PIK3C2A: variants seen among roughly 807,000 people sequenced by gnomAD.
PIK3C2A encodes the protein phosphatidylinositol-4-phosphate 3-kinase catalytic subunit type 2 alpha.
In PIK3C2A, 97 loss-of-function variants were observed where a neutral mutation model predicts 204.5. The observed-to-expected ratio is 0.47, with a 90% CI of 0.40 to 0.56. PIK3C2A has a LOEUF of 0.56. Ranked by LOEUF, PIK3C2A falls within the 20% of genes least tolerant of loss-of-function variation. The pLI, the probability that PIK3C2A is intolerant of heterozygous loss-of-function variation, is 0.00. For synonymous variants in PIK3C2A, 653 were observed against 664.4 expected, an observed-to-expected ratio of 0.98 and a Z score of 0.26; for missense variants, 1,735 against 1,969.2, an observed-to-expected ratio of 0.88 and a Z score of 2.25.
chr11:17,158,677 G>A (rs980286982), intron 2 of PIK3C2A, among the ~76,000 whole-genome samples: 2 of 151,958 alleles, frequency 1.3e-5, no homozygotes, highest in Non-Finnish European at 2.9e-5. Context: ...AGCAGTGCTG[G>A]GAAAACCTAA....
chr11:17,129,963 A>G (rs1057086531), intron 12 of PIK3C2A, among the ~76,000 whole-genome samples: 1 of 152,216 alleles, frequency 6.6e-6, no homozygotes, highest in Non-Finnish European at 1.5e-5. Context: ...ATTTTAAATA[A>G]ATTTTATTAA....
At chr11:17,162,759 G>A (rs1424982721) in intron 2 of PIK3C2A, among the ~76,000 whole-genome samples, 1 of 152,136 alleles carries the variant, frequency 6.6e-6, no homozygotes, top group African/African-American at 2.4e-5. Flanking sequence ...TGCTTCAGGG[G>A]CTGCCTGATT....
intron 8 of PIK3C2A, among the ~76,000 whole-genome samples, chr11:17,137,023 G>A (rs1849894137): frequency 6.6e-6 from 1 of 152,090 alleles, no homozygotes; most frequent in Admixed American, 6.5e-5. Flanking sequence ...TTCTTCAGAG[G>A]TCGGTCACAT....
At chr11:17,201,515 G>T in intron 1 of PIK3C2A, among the ~76,000 whole-genome samples, 1 of 103,500 alleles carries the variant, frequency 9.7e-6, no homozygotes, top group South Asian at 3.2e-4. Flanking sequence ...GAAAGAACGT[G>T]ACTCCGTCTC....
intron 13 of PIK3C2A, among the ~76,000 whole-genome samples, chr11:17,125,141 T>C (rs1250388948): frequency 6.6e-6 from 1 of 152,200 alleles, no homozygotes; most frequent in Non-Finnish European, 1.5e-5. Flanking sequence ...AACTATTTAA[T>C]GGTTTTAGGA....
chr11:17,092,363 A>C (rs990829381), intron 28 of PIK3C2A, 87 bp from the exon 29 acceptor site: 4 of 729,630 alleles, frequency 5.5e-6, no homozygotes, highest in Middle Eastern at 3.8e-4. Context: ...CTTAAAGACA[A>C]AGTAGTCTTA....
intron 1 of PIK3C2A, among the ~76,000 whole-genome samples, chr11:17,201,312 A>G (rs1367290086): frequency 6.6e-6 from 1 of 151,928 alleles, no homozygotes; most frequent in African/African-American, 2.4e-5. Flanking sequence ...GCAGATCATG[A>G]GGTCAAAAGA....
intron 2 of PIK3C2A, among the ~76,000 whole-genome samples, chr11:17,159,772 A>G (rs758237121): frequency 1.3e-5 from 2 of 152,238 alleles, no homozygotes; most frequent in African/African-American, 4.8e-5. Flanking sequence ...TGAGCTGACA[A>G]GTCTCCAGAT....
rs375806515 is a variant in PIK3C2A, at chr11:17,122,237, C to A, written c.2608G>T (p.Asp870Tyr). Residue 870 changes from aspartate to tyrosine, a missense_variant, in exon 15 of 33, where the codon GAT becomes TAT. Physicochemically the swap from Asp to Tyr is radical, Grantham distance 160 (BLOSUM62 -3). Coordinates refer to ENST00000691414, the MANE Select transcript of PIK3C2A (RefSeq NM_002645.4). ...ATATCAAGAAGTTTCCCTTTTATAT[C>A]ATTCTCTAGTGTTTCTAAGTTATGT... ...QQHNLETLEN[D>Y]IKGKLLDILH... is the part of the protein sequence containing the mutation. 1.2e-5 allele frequency: 18 copies of A among 1,551,408 alleles called. No homozygotes were observed. The highest frequency in any genetic ancestry group is 1.6e-5 in the Non-Finnish European group (18 of 1,125,202).
intron 8 of PIK3C2A, among the ~76,000 whole-genome samples, chr11:17,139,244 T>C (rs1482513367): frequency 4.6e-5 from 7 of 151,008 alleles, no homozygotes; most frequent in Non-Finnish European, 1.0e-4. Context: ...TTTTTTTTTT[T>C]TGAGGTGGAA....
chr11:17,091,192 T>C (rs920700257), intron 32 of PIK3C2A, 142 bp downstream of exon 32: 7 of 675,840 alleles, frequency 1.0e-5, no homozygotes, highest in African/African-American at 7.3e-5. Context: ...ACCTAGGTGA[T>C]AGGTTGATAG....
chr11:17,117,719 T>TG (rs779369690), intron 18 of PIK3C2A, 48 bp from the exon 19 acceptor site: 21 of 1,190,096 alleles, frequency 1.8e-5, no homozygotes, highest in African/African-American at 6.4e-5. Flanking sequence ...TTTTTTTTTT[T>TG]TTTTTTTTTT....
At chr11:17,158,017 CCTTCCTCTTAAA>C (rs1459455453) in intron 2 of PIK3C2A, among the ~76,000 whole-genome samples, 4 of 152,128 alleles carry the variant, frequency 2.6e-5, no homozygotes, top group Non-Finnish European at 4.4e-5. Flanking sequence ...TTTCCCTTCA[CCTTCCTCTTAAA>C]CTTCCTTCAC....
chr11:17,168,826 C>T lies in PIK3C2A; in HGVS notation c.916G>A (p.Ala306Thr). The T allele has an allele frequency of 6.2e-7, 1 of 1,614,130 alleles. No individual in the cohort carries two copies. The highest frequency in any genetic ancestry group is 8.5e-7 in the Non-Finnish European group (1 of 1,180,012). Reference protein sequence around the residue: ...SSLLAKDPWDAVLLEERSTAN... With the variant: ...SSLLAKDPWDTVLLEERSTAN... The stretch of plus-strand genomic sequence containing the variant: ...GTCGATCTCTCTTCAAGAAGAACAG[C>T]ATCCCAAGGATCCTTTGCTAGCAAA... The change falls in exon 2 of 33, where the codon GCT becomes ACT. Residue 306 changes from alanine (A) to threonine (T), a missense_variant. By Grantham distance (58) the Ala-to-Thr change is moderately conservative (BLOSUM62 0). This residue lies in a region of PIK3C2A where 536 missense variants were observed against 546.7 expected (regional missense o/e 0.98). Transcript: ENST00000691414.
chr11:17,102,748 A>T lies in PIK3C2A; in HGVS notation c.3765T>A (p.Asn1255Lys), dbSNP rs1848681473. 1 of 1,613,552 alleles carries T rather than the reference A, an allele frequency of 6.2e-7. No homozygotes were observed. The highest frequency in any genetic ancestry group is 1.3e-5 in the African/African-American group (1 of 74,906). ...VLGICDRHND[N>K]IMLRSTGHMF... Reference sequence around the variant, plus strand: ...TGTGTCCCGTGCTTCGAAGCATTATATTGTCATTGTGTCGATCACAGATGC... The same window carrying T: ...TGTGTCCCGTGCTTCGAAGCATTATTTTGTCATTGTGTCGATCACAGATGC... Residue 1255 changes from asparagine (N) to lysine (K), a missense_variant, in exon 24 of 33, where the codon AAT becomes AAA. This residue lies in a region of PIK3C2A where 503 missense variants were observed against 669.0 expected (regional missense o/e 0.75). Transcript: ENST00000691414.
At chr11:17,126,824 T>TA in intron 13 of PIK3C2A, among the ~76,000 whole-genome samples, 1 of 152,328 alleles carries the variant, frequency 6.6e-6, no homozygotes, top group East Asian at 1.9e-4. Context: ...CTTCACTTGA[T>TA]AGTCTCTTGA....
chr11:17,159,333 T>C (rs1850704250), intron 2 of PIK3C2A, among the ~76,000 whole-genome samples: 1 of 152,328 alleles, frequency 6.6e-6, no homozygotes, highest in Non-Finnish European at 1.5e-5. Flanking sequence ...GAAAGAGATA[T>C]ATGATAATCA....
chr11:17,122,128 C>A, intron 15 of PIK3C2A, 60 bp downstream of exon 15: 1 of 1,042,370 alleles, frequency 9.6e-7, no homozygotes, highest in Non-Finnish European at 1.4e-6. Flanking sequence ...AATGTAAGTC[C>A]TAACTTGACT....
chr11:17,101,497 C>A lies in PIK3C2A; in HGVS notation c.3852-63G>T, dbSNP rs1041441332. On this transcript the variant is annotated intron_variant, in intron 24 of 32. Transcript: ENST00000691414. ...AGAAGATACTCCAATAGTGCTATTA[C>A]ATGATTATTAAACTAAGCTATCTGA... is the stretch of plus-strand genomic sequence containing the variant. The A allele has an allele frequency of 3.4e-6, 3 of 894,826 alleles. No individual in the cohort carries two copies. The African/African-American group carries it at 5.0e-5, about 15-fold the overall frequency. The allele number at this position is 894,826 out of a possible 1,614,324, so 55.4% of individuals were successfully genotyped here.
Sources: gnomAD v4.1 joint callset for allele counts (sites outside exome capture counted in the v4.1 genomes callset) on GRCh38, gnomAD v4.1.1 for gene constraint, gnomAD v4.1.1 regional missense constraint, MANE v1.5 for transcripts, NCBI Gene and HGNC (gene_info 2026-07-23, HGNC 2026-07-21) for gene names.